The following DERA variants were observed in gnomAD, a reference collection of about 807,000 sequenced individuals.
The protein encoded by DERA is 2-deoxy-D-ribose 5-phosphate aldolase.
In DERA, 15 loss-of-function variants were observed where a neutral mutation model predicts 41.1. The observed-to-expected ratio is 0.37, with a 90% confidence interval of 0.24 to 0.56. The LOEUF (loss-of-function observed/expected upper bound fraction) is 0.56, where lower values mean the gene tolerates loss of function less well. Ranked by LOEUF, DERA falls within the 20% of genes least tolerant of loss-of-function variation. The pLI is 0.81. For missense variants in DERA, 396 were observed against 403.4 expected (o/e 0.98, Z 0.16); for synonymous variants, 139 against 137.4 (o/e 1.01, Z -0.08).
At chr12:15,939,941 A>G (rs781744844) in intron 1 of DERA, among the ~76,000 whole-genome samples, 2 of 152,226 alleles carry the variant, frequency 1.3e-5, no homozygotes, top group Non-Finnish European at 2.9e-5. Flanking sequence ...TAGTTGTTAG[A>G]CTATGGAAGC....
intron 6 of DERA, among the ~76,000 whole-genome samples, chr12:16,028,075 C>T (rs1949064648): frequency 6.6e-6 from 1 of 152,158 alleles, no homozygotes; most frequent in Non-Finnish European, 1.5e-5. Context: ...GAGCTAAAAG[C>T]AAGAACACTA....
At chr12:15,950,200 G>C (rs142761753) in intron 1 of DERA, among the ~76,000 whole-genome samples, 3 of 152,340 alleles carry the variant, frequency 2.0e-5, no homozygotes, top group East Asian at 1.9e-4. Flanking sequence ...ATAAAAGAAT[G>C]GTTGCTCCAT....
At chr12:15,951,779 C>T (rs970614629) in intron 1 of DERA, among the ~76,000 whole-genome samples, 1 of 151,994 alleles carries the variant, frequency 6.6e-6, no homozygotes, top group Non-Finnish European at 1.5e-5. Context: ...GTTTTGTGTT[C>T]TTTTTGTTTT....
At chr12:15,930,965 G>C (rs898260540) in intron 1 of DERA, among the ~76,000 whole-genome samples, 2 of 152,088 alleles carry the variant, frequency 1.3e-5, no homozygotes, top group Admixed American at 1.3e-4. Context: ...GGAAAAATAG[G>C]TACAGATATT....
At chr12:15,956,829 A>G (rs1308825884) in intron 1 of DERA, 107 bp from the exon 2 acceptor site, 3 of 844,646 alleles carry the variant, frequency 3.6e-6, no homozygotes, top group Non-Finnish European at 6.2e-6. Flanking sequence ...CTTTAAAAAA[A>G]GGTTGATGTC....
rs1949134401 is a variant in DERA at position 16,037,091 on chromosome 12, C to G, written c.*345C>G. 5.0e-6 allele frequency: 1 copy of G among 200,302 alleles called. No homozygotes were observed. The highest frequency in any genetic ancestry group is 2.4e-5 in the African/African-American group (1 of 42,300). 12.4% of individuals were successfully genotyped at this position (200,302 alleles called of 1,614,324 possible). A position where few individuals can be genotyped will look rare whatever the true frequency, so the allele number is the denominator to read the frequency against. On this transcript the variant is annotated 3_prime_UTR_variant, in exon 9 of 9. Transcript: ENST00000428559. This position sits in a 1 kb window ranked among gnomAD's most constrained non-coding sequence, Gnocchi z 6.7. ...AAACCGCCCAAGCAGTGTGCCCTAG[C>G]AGAGGAAAATGCAACATCTCGCAAG...
intron 6 of DERA, among the ~76,000 whole-genome samples, chr12:16,005,638 G>A (rs930159180): frequency 2.0e-5 from 3 of 152,112 alleles, no homozygotes; most frequent in Non-Finnish European, 1.5e-5. Flanking sequence ...ATATACCCCT[G>A]CAAGCCATTC....
chr12:15,933,039 G>T (rs933832998), intron 1 of DERA, among the ~76,000 whole-genome samples: 1 of 152,100 alleles, frequency 6.6e-6, no homozygotes, highest in African/African-American at 2.4e-5. Flanking sequence ...TGTTATTTAG[G>T]TTTACTACAT....
rs957415315 is a variant in DERA at position 15,998,609 on chromosome 12, G to A, written c.637+16173G>A. On this transcript the variant is annotated intron_variant, in intron 6 of 8. Transcript: ENST00000428559. The surrounding 1 kb of genome is among the most constrained non-coding windows in gnomAD (Gnocchi z 4.8). ...TGGAATTACAGGTGTGAGCCACCAC[G>A]CCTGGCCTAACACAGGAAGTCTTTC... 1.3e-5 allele frequency among the ~76,000 whole-genome samples: 2 copies of A among 152,056 alleles called. No homozygotes were observed. Among genetic ancestry groups the A allele is most frequent in the African/African-American group, 4.8e-5 (2 of 41,410 alleles).
At chr12:15,952,215 T>A (rs1948503443) in intron 1 of DERA, among the ~76,000 whole-genome samples, 1 of 152,242 alleles carries the variant, frequency 6.6e-6, no homozygotes, top group Non-Finnish European at 1.5e-5. Context: ...TCATTCTTTT[T>A]AATGGCTGAA....
chr12:15,961,936 G>A (rs1186376284), intron 4 of DERA, among the ~76,000 whole-genome samples: 2 of 152,114 alleles, frequency 1.3e-5, no homozygotes, highest in Non-Finnish European at 2.9e-5. Flanking sequence ...TAGAGATGGG[G>A]TTTCACCATG....
chr12:15,973,044 G>C (rs1266362766), intron 5 of DERA, among the ~76,000 whole-genome samples: 1 of 151,940 alleles, frequency 6.6e-6, no homozygotes, highest in African/African-American at 2.4e-5. Flanking sequence ...TCTGATTCCT[G>C]TCAGTGAGCA....
Position 15,959,085 on chromosome 12 carries a change from G to A in DERA, c.278-744G>A, listed in dbSNP as rs1948563585. ...GAGTGCAACTGGAGACGTTGAATTG[G>A]CCCAATGCAGGTCTTTTATCCCAAA... On this transcript the variant is annotated intron_variant, in intron 3 of 8. Transcript: ENST00000428559. This position sits in a 1 kb window ranked among gnomAD's most constrained non-coding sequence, Gnocchi z 4.5. Among the ~76,000 whole-genome samples, 1 of 152,014 alleles carries A rather than the reference G, an allele frequency of 6.6e-6. No homozygotes were observed. Among genetic ancestry groups the A allele is most frequent in the African/African-American group, 2.4e-5 (1 of 41,398 alleles).
chr12:15,952,104 T>G (rs1390973273), intron 1 of DERA, among the ~76,000 whole-genome samples: 1 of 152,200 alleles, frequency 6.6e-6, no homozygotes, highest in African/African-American at 2.4e-5. Flanking sequence ...TTTCACCATA[T>G]TGACCAGGCT....
rs773285492 is a variant in DERA at position 15,985,971 on chromosome 12, G to C, written c.637+3535G>C. On this transcript the variant is annotated intron_variant, in intron 6 of 8. Transcript: ENST00000428559. This position sits in a 1 kb window ranked among gnomAD's most constrained non-coding sequence, Gnocchi z 4.2. The stretch of plus-strand genomic sequence containing the variant: ...GTTAAAGTCTCCAAACATGATTGTG[G>C]ATTTGTCTGGTTATCCCTTTCGTCT... Among the ~76,000 whole-genome samples, 8 of 152,044 alleles carry C rather than the reference G, an allele frequency of 5.3e-5. No homozygotes were observed. Among genetic ancestry groups the C allele is most frequent in the Admixed American group, 2.0e-4 (3 of 15,264 alleles).
chr12:15,942,878 A>G (rs1364772279), intron 1 of DERA, among the ~76,000 whole-genome samples: 1 of 152,242 alleles, frequency 6.6e-6, no homozygotes, highest in Non-Finnish European at 1.5e-5. Flanking sequence ...AATGAAATAT[A>G]GAAGATGAAT....
In DERA at chr12:15,924,460, A is replaced by G. The variant is rs1353976078; in HGVS notation, c.31+13046A>G. Among the ~76,000 whole-genome samples, 1 of 152,218 alleles carries G rather than the reference A, an allele frequency of 6.6e-6. No homozygotes were observed. Among genetic ancestry groups the G allele is most frequent in the Non-Finnish European group, 1.5e-5 (1 of 68,050 alleles). On this transcript the variant is annotated intron_variant, in intron 1 of 8. Transcript: ENST00000428559. This position sits in a 1 kb window ranked among gnomAD's most constrained non-coding sequence, Gnocchi z 5.0. ...ACTCAGTAAATATATTTTTCACTGT[A>G]GAGATTACAAATACAATATTCTAGA...
chr12:15,956,886 A>G (rs1948543781), intron 1 of DERA, 50 bp from the exon 2 acceptor site: 2 of 1,298,116 alleles, frequency 1.5e-6, no homozygotes, highest in Non-Finnish European at 2.2e-6. Flanking sequence ...ATAGGTGACT[A>G]TATTTAATGA....
Position 15,959,925 on chromosome 12 carries a change from G to T in DERA, c.373+1G>T, listed in dbSNP as rs775023184. The T allele has an allele frequency of 6.5e-7, 1 of 1,537,798 alleles. No homozygotes were observed. Among genetic ancestry groups the T allele is most frequent in the African/African-American group, 1.4e-5 (1 of 73,056 alleles). ...GGCTGTAATATCCCTGTGGCATCAG[G>T]TAAAATGTGTTGTGGCTTTTGTTGT... On this transcript the variant is annotated splice_donor_variant, in intron 4 of 8. Coordinates refer to ENST00000428559, the MANE Select transcript of DERA (RefSeq NM_015954.4). LOFTEE classifies it high-confidence loss of function. The surrounding 1 kb of genome is among the most constrained non-coding windows in gnomAD (Gnocchi z 4.5).
Sources: allele counts gnomAD v4.1 joint callset (sites outside exome capture counted in the v4.1 genomes callset), GRCh38; gene constraint gnomAD v4.1.1; non-coding constraint Gnocchi (gnomAD v3.1); transcripts MANE v1.5; gene names NCBI Gene and HGNC (gene_info 2026-07-23, HGNC 2026-07-21).